Variants in LAMA2 observed in about 807,000 individuals in gnomAD.
The protein encoded by LAMA2 is laminin subunit alpha 2, also known as laminin subunit alpha-2.
A neutral mutation model predicts 364.8 loss-of-function variants in LAMA2; 269 were observed. That is an observed-to-expected ratio of 0.74 (90% CI 0.67 to 0.82). The LOEUF (loss-of-function observed/expected upper bound fraction) is 0.82. Ranked by LOEUF, LAMA2 falls within the 40% of genes least tolerant of loss-of-function variation. LAMA2 has a pLI of 0.00. For synonymous variants in LAMA2, 1,379 were observed against 1,370.6 expected (o/e 1.01, Z -0.14); for missense variants, 3,807 against 3,873.2 (o/e 0.98, Z 0.45).
At chr6:129,221,280 T>C (rs1016279160) in intron 12 of LAMA2, among the ~76,000 whole-genome samples, 1 of 150,078 alleles carries the variant, frequency 6.7e-6, no homozygotes, top group Admixed American at 6.6e-5. Context: ...AAAAGCATAA[T>C]TGATTATACT....
At chr6:128,975,531 G>T (rs1200757982) in intron 1 of LAMA2, among the ~76,000 whole-genome samples, 3 of 152,280 alleles carry the variant, frequency 2.0e-5, no homozygotes, top group Non-Finnish European at 2.9e-5. Context: ...AGGCAGCAGG[G>T]ATAATATAGT....
intron 35 of LAMA2, among the ~76,000 whole-genome samples, chr6:129,385,806 C>T (rs562302001): frequency 6.6e-6 from 1 of 152,214 alleles, no homozygotes; most frequent in African/African-American, 2.4e-5. Flanking sequence ...CCTTTCCTTC[C>T]TGTTTCTCAG....
chr6:129,504,592 C>CTTAT (rs934024958), intron 60 of LAMA2, among the ~76,000 whole-genome samples: 1 of 152,166 alleles, frequency 6.6e-6, no homozygotes, highest in Non-Finnish European at 1.5e-5. Flanking sequence ...CTTTACACCC[C>CTTAT]TTATTTCATT....
chr6:128,971,421 G>A (rs1197476783), intron 1 of LAMA2, among the ~76,000 whole-genome samples: 1 of 148,686 alleles, frequency 6.7e-6, no homozygotes, highest in Non-Finnish European at 1.5e-5. Flanking sequence ...GAGAACTTAA[G>A]CTCATAGGTG....
At chr6:129,380,798 A>G (rs1304557977) in intron 34 of LAMA2, among the ~76,000 whole-genome samples, 1 of 152,164 alleles carries the variant, frequency 6.6e-6, no homozygotes, top group Non-Finnish European at 1.5e-5. Flanking sequence ...CTTTCTTATC[A>G]TGGAGTTTGT....
chr6:129,215,186 T>A (rs1783348326), intron 12 of LAMA2, among the ~76,000 whole-genome samples: 1 of 152,170 alleles, frequency 6.6e-6, no homozygotes, highest in South Asian at 2.1e-4. Flanking sequence ...TCTTGAAAAT[T>A]CTCATCTTCC....
chr6:128,964,336 G>A (rs562308950), intron 1 of LAMA2, among the ~76,000 whole-genome samples: 1 of 152,106 alleles, frequency 6.6e-6, no homozygotes, highest in South Asian at 2.1e-4. Flanking sequence ...AATTGTGTTT[G>A]TCTTTCTTTC....
intron 3 of LAMA2, among the ~76,000 whole-genome samples, chr6:129,066,038 G>GTTTTTTTTTTTTTTTTTTTTTTTTTTTTT (rs544271722): frequency 5.4e-5 from 2 of 37,116 alleles, no homozygotes; most frequent in African/African-American, 1.7e-4. Flanking sequence ...CCAGTCTCAG[G>GTTTTTTTTTTTTTTTTTTTTTTTTTTTTT]TTTTTTTTTT....
At chr6:128,927,474 C>A (rs149923557) in intron 1 of LAMA2, among the ~76,000 whole-genome samples, 1 of 152,032 alleles carries the variant, frequency 6.6e-6, no homozygotes, top group Non-Finnish European at 1.5e-5. Flanking sequence ...GAGTAAGCTC[C>A]GTCTCTAACT....
At chr6:129,130,084 TTATAA>T (rs1438176288) in intron 4 of LAMA2, among the ~76,000 whole-genome samples, 1 of 152,142 alleles carries the variant, frequency 6.6e-6, no homozygotes, top group Non-Finnish European at 1.5e-5. Flanking sequence ...AAGAGCTTAA[TTATAA>T]TAGAGCAGAA....
chr6:129,031,782 G>A (rs1786243539), intron 1 of LAMA2, among the ~76,000 whole-genome samples: 1 of 151,970 alleles, frequency 6.6e-6, no homozygotes, highest in Non-Finnish European at 1.5e-5. Flanking sequence ...CTCCAGAACA[G>A]GCACACAATT....
At chr6:129,194,815 T>C (rs1228005330) in intron 12 of LAMA2, among the ~76,000 whole-genome samples, 1 of 152,228 alleles carries the variant, frequency 6.6e-6, no homozygotes, top group Non-Finnish European at 1.5e-5. Context: ...TTAACTGTCA[T>C]GTCACATCAC....
intron 3 of LAMA2, among the ~76,000 whole-genome samples, chr6:129,085,259 C>A (rs1774306839): frequency 6.6e-6 from 1 of 152,140 alleles, no homozygotes; most frequent in South Asian, 2.1e-4. Context: ...TGTCTATAGA[C>A]TTTTCTAGTG....
chr6:129,430,851 A>G (rs1377562258), intron 41 of LAMA2, among the ~76,000 whole-genome samples: 1 of 152,042 alleles, frequency 6.6e-6, no homozygotes, highest in Non-Finnish European at 1.5e-5. Context: ...TCAAATAATA[A>G]TTAATTAATT....
At chr6:129,021,303 T>C (rs767185284) in intron 1 of LAMA2, among the ~76,000 whole-genome samples, 9 of 152,238 alleles carry the variant, frequency 5.9e-5, no homozygotes, top group Non-Finnish European at 1.2e-4. Flanking sequence ...GAAAATCAGC[T>C]ACATTCCCAT....
rs752658943 is a variant in LAMA2 at position 129,297,863 on chromosome 6, C to T, written c.3035C>T (p.Thr1012Ile). The T allele has an allele frequency of 1.6e-5, 26 of 1,613,146 alleles. No homozygotes were observed. The Admixed American group carries it at 2.5e-4, about 16-fold the overall frequency. The change falls in exon 21 of 65, where the codon ACA becomes ATA. Residue 1012 changes from threonine to isoleucine, a missense_variant and splice_region_variant. Transcript: ENST00000421865. ...TTCAACTTCCAAGAAGGAGGCTGCA[C>T]AGGTCTGTAAATATGACTTAAGTCC... ...GYFNFQEGGC[T>I]ACECSHLGNN...
chr6:128,970,076 C>A (rs1454417947), intron 1 of LAMA2, among the ~76,000 whole-genome samples: 2 of 152,064 alleles, frequency 1.3e-5, no homozygotes, highest in Non-Finnish European at 2.9e-5. Flanking sequence ...GTATCTTATT[C>A]TTTAAATGTC....
At chr6:129,314,824 TAATGG>T (rs752397032) in intron 24 of LAMA2, 26 bp downstream of exon 24, 15 of 1,612,924 alleles carry the variant, frequency 9.3e-6, no homozygotes, top group Non-Finnish European at 1.3e-5. Context: ...CTGAGCCATG[TAATGG>T]TATAATGTTA....
intron 3 of LAMA2, among the ~76,000 whole-genome samples, chr6:129,066,054 T>TTTTTTTC (rs1562206930): frequency 3.9e-5 from 4 of 102,792 alleles, no homozygotes; most frequent in Admixed American, 1.1e-4. Flanking sequence ...TTTTTTTTTT[T>TTTTTTTC]TTTTTTTTTG....
Sources: allele counts gnomAD v4.1 joint callset (sites outside exome capture counted in the v4.1 genomes callset), GRCh38; gene constraint gnomAD v4.1.1; transcripts MANE v1.5; gene names NCBI Gene and HGNC (gene_info 2026-07-23, HGNC 2026-07-21).